Variants in EPB41L2 observed in about 807,000 individuals in gnomAD.
The protein encoded by EPB41L2 is erythrocyte membrane protein band 4.1 like 2.
EPB41L2 carries 43 observed loss-of-function variants against 113.0 expected under a neutral mutation model. That is an observed-to-expected ratio of 0.38 (90% CI 0.30 to 0.49). The LOEUF (loss-of-function observed/expected upper bound fraction) is 0.49, where lower values mean the gene tolerates loss of function less well. EPB41L2 is among the 20% of genes least tolerant of loss of function. The pLI is 0.95. For missense variants in EPB41L2, 1,147 were observed against 1,223.4 expected, an observed-to-expected ratio of 0.94 and a Z score of 0.93; for synonymous variants, 442 against 436.7, an observed-to-expected ratio of 1.01 and a Z score of -0.15.
intron 5 of EPB41L2, 39 bp downstream of exon 5, chr6:130,908,782 G>T: frequency 6.7e-7 from 1 of 1,485,974 alleles, no homozygotes; most frequent in South Asian, 1.2e-5. Context: ...TAGATATCAA[G>T]ACACCTTAAC....
intron 3 of EPB41L2, among the ~76,000 whole-genome samples, chr6:130,949,517 G>A (rs1814083525): frequency 6.6e-6 from 1 of 151,846 alleles, no homozygotes; most frequent in Non-Finnish European, 1.5e-5. Context: ...GCAAGAAGAG[G>A]GACTGCCACT....
chr6:131,035,673 T>C (rs920113135), intron 1 of EPB41L2, among the ~76,000 whole-genome samples: 4 of 152,228 alleles, frequency 2.6e-5, no homozygotes, highest in African/African-American at 7.2e-5. Context: ...TGTGACCAGA[T>C]AGACCTGGAT....
rs751310395 is a variant in EPB41L2 at position 130,858,230 on chromosome 6, G to T, written c.2924C>A (p.Ala975Glu). Residue 975 changes from alanine to glutamate, a missense_variant, in exon 19 of 20, where the codon GCG (alanine) becomes GAG (glutamate). Coordinates refer to ENST00000337057, the MANE Select transcript of EPB41L2 (RefSeq NM_001431.4). ...DIDHDQALAQ[A>E]IREAREQHPD... is the part of the protein sequence containing the mutation. ...GTGCTGCTCTCTGGCTTCCCTGATCGCCTGAGCCAGTGCCTGCCAGGGTCA... is the reference window on the plus strand; with the variant it reads ...GTGCTGCTCTCTGGCTTCCCTGATCTCCTGAGCCAGTGCCTGCCAGGGTCA... 1 of 1,611,970 alleles carries T rather than the reference G, an allele frequency of 6.2e-7. No homozygotes were observed. Among genetic ancestry groups the T allele is most frequent in the Non-Finnish European group, 8.5e-7 (1 of 1,179,030 alleles).
At chr6:131,021,795 T>C (rs1380704909) in intron 1 of EPB41L2, among the ~76,000 whole-genome samples, 1 of 152,242 alleles carries the variant, frequency 6.6e-6, no homozygotes, top group Non-Finnish European at 1.5e-5. Context: ...ACTCCCATTT[T>C]ATAGATGAAA....
chr6:131,031,400 T>C (rs1278141931), intron 1 of EPB41L2, among the ~76,000 whole-genome samples: 1 of 152,072 alleles, frequency 6.6e-6, no homozygotes, highest in Non-Finnish European at 1.5e-5. Context: ...GGCTCCAAGA[T>C]AATCATATAT....
chr6:130,974,999 GTT>G, intron 1 of EPB41L2, among the ~76,000 whole-genome samples: 1 of 152,036 alleles, frequency 6.6e-6, no homozygotes, highest in Admixed American at 6.6e-5. Flanking sequence ...TAACACTCTT[GTT>G]TTCCAGATAA....
At chr6:131,044,391 TAC>T (rs548253396) in intron 1 of EPB41L2, among the ~76,000 whole-genome samples, 46 of 152,236 alleles carry the variant, frequency 3.0e-4, no homozygotes, top group Middle Eastern at 6.8e-3. Context: ...ATAATGGAAA[TAC>T]AGTTAGCATA....
At chr6:130,873,971 G>A (rs1215297482) in intron 14 of EPB41L2, among the ~76,000 whole-genome samples, 1 of 152,118 alleles carries the variant, frequency 6.6e-6, no homozygotes, top group Non-Finnish European at 1.5e-5. Context: ...GGGAAGTGGG[G>A]GTGGGTGGGA....
chr6:131,000,292 C>T (rs958408898), intron 1 of EPB41L2, among the ~76,000 whole-genome samples: 8 of 152,086 alleles, frequency 5.3e-5, no homozygotes, highest in Admixed American at 1.3e-4. Flanking sequence ...CACAGAATGC[C>T]TGGAAAAGCG....
intron 1 of EPB41L2, among the ~76,000 whole-genome samples, chr6:131,010,294 A>C (rs930059576): frequency 6.6e-6 from 1 of 152,232 alleles, no homozygotes; most frequent in African/African-American, 2.4e-5. Flanking sequence ...AGTAAGAAGC[A>C]CTGCCCAGAA....
At chr6:130,899,645 G>A (rs1795741540) in intron 7 of EPB41L2, 67 bp from the exon 8 acceptor site, 1 of 1,431,428 alleles carries the variant, frequency 7.0e-7, no homozygotes, top group African/African-American at 1.4e-5. Context: ...AGAATGGGAG[G>A]AGTGTCTGTG....
At chr6:130,855,949 G>A (rs1472788529) in intron 19 of EPB41L2, among the ~76,000 whole-genome samples, 1 of 152,078 alleles carries the variant, frequency 6.6e-6, no homozygotes, top group Non-Finnish European at 1.5e-5. Context: ...TAGTAATTCT[G>A]GCACTGGAGC....
At chr6:130,995,313 C>T (rs1584369515) in intron 1 of EPB41L2, among the ~76,000 whole-genome samples, 1 of 151,806 alleles carries the variant, frequency 6.6e-6, no homozygotes. Flanking sequence ...CCAGCCTGGG[C>T]GACTAAGCGA....
chr6:130,961,728 C>T (rs977582633), intron 1 of EPB41L2, among the ~76,000 whole-genome samples: 7 of 152,124 alleles, frequency 4.6e-5, no homozygotes, highest in Non-Finnish European at 7.4e-5. Flanking sequence ...GTGCTGCTGC[C>T]AGCTGAGTAG....
chr6:130,895,043 T>C lies in EPB41L2; in HGVS notation c.1313A>G (p.Asn438Ser), dbSNP rs1794193829. The C allele has an allele frequency of 6.2e-7, 1 of 1,614,052 alleles. No individual in the cohort carries two copies. Among genetic ancestry groups the C allele is most frequent in the African/African-American group, 1.3e-5 (1 of 75,036 alleles). Residue 438 changes from asparagine (N) to serine (S), a missense_variant, in exon 9 of 20, where the codon AAT (asparagine) becomes AGT (serine). Physicochemically the swap from Asn to Ser is conservative, Grantham distance 46. Transcript: ENST00000337057. ...TAAGATTTTCGGCCAAGCAAAACGATTGATTCGCAGTCTGTCTTTGTAAAT... is the reference window on the plus strand; with the variant it reads ...TAAGATTTTCGGCCAAGCAAAACGACTGATTCGCAGTCTGTCTTTGTAAAT... ...LLIYKDRLRINRFAWPKILKI... is the reference protein window; with the variant it reads ...LLIYKDRLRISRFAWPKILKI...
intron 14 of EPB41L2, among the ~76,000 whole-genome samples, chr6:130,874,606 G>T (rs530019731): frequency 6.6e-6 from 1 of 152,198 alleles, no homozygotes; most frequent in African/African-American, 2.4e-5. Flanking sequence ...ACGGATGAAT[G>T]GATGATTGTA....
At chr6:130,972,369 T>C (rs1287929044) in intron 1 of EPB41L2, among the ~76,000 whole-genome samples, 1 of 131,182 alleles carries the variant, frequency 7.6e-6, no homozygotes, top group Non-Finnish European at 1.6e-5. Flanking sequence ...AAAAATAAGA[T>C]AATACTACAT....
At chr6:130,907,282 G>C (rs1203878352) in intron 5 of EPB41L2, among the ~76,000 whole-genome samples, 1 of 152,158 alleles carries the variant, frequency 6.6e-6, no homozygotes, top group Non-Finnish European at 1.5e-5. Context: ...AACTGCAGAA[G>C]GGACAAAGGA....
intron 1 of EPB41L2, among the ~76,000 whole-genome samples, chr6:131,022,181 C>T (rs190116734): frequency 2.1e-3 from 315 of 152,122 alleles, no homozygotes; most frequent in African/African-American, 7.1e-3. Context: ...AACCTAGATC[C>T]CTCACATGTG....
Sources: gnomAD v4.1 joint callset for allele counts (sites outside exome capture counted in the v4.1 genomes callset) on GRCh38, gnomAD v4.1.1 for gene constraint, MANE v1.5 for transcripts, NCBI Gene and HGNC (gene_info 2026-07-23, HGNC 2026-07-21) for gene names.